The following DPP6 variants were observed in gnomAD, a reference collection of about 807,000 sequenced individuals.
DPP6 encodes the protein A-type potassium channel modulatory protein DPP6.
In DPP6, 69 loss-of-function variants were observed where a neutral mutation model predicts 122.6. The ratio of observed to expected loss-of-function variants is 0.56; its 90% CI spans 0.46 to 0.69. DPP6 has a LOEUF of 0.69. Among genes scored for constraint, DPP6 ranks in the 30% least tolerant of loss-of-function variants. The pLI is 0.00. For missense variants in DPP6, 928 were observed against 1,116.9 expected (o/e 0.83, Z 2.41); for synonymous variants, 418 against 433.1 (o/e 0.97, Z 0.43).
intron 21 of DPP6, among the ~76,000 whole-genome samples, chr7:154,883,312 C>CACA (rs1458225096): frequency 2.2e-5 from 3 of 133,562 alleles, no homozygotes; most frequent in African/African-American, 5.8e-5. Flanking sequence ...ACCCATACAC[C>CACA]TGCTCACACA....
chr7:154,136,258 GA>G (rs1454305855), intron 1 of DPP6, among the ~76,000 whole-genome samples: 1 of 152,198 alleles, frequency 6.6e-6, no homozygotes, highest in Non-Finnish European at 1.5e-5. Context: ...GTCATTGGTA[GA>G]TGGTGGCTTC....
intron 7 of DPP6, among the ~76,000 whole-genome samples, chr7:154,674,853 G>A (rs1838789289): frequency 6.6e-6 from 1 of 152,158 alleles, no homozygotes; most frequent in South Asian, 2.1e-4. Context: ...AATTCTCACA[G>A]CCATGCTTCA....
intron 1 of DPP6, among the ~76,000 whole-genome samples, chr7:154,418,506 A>T (rs1468854256): frequency 6.6e-6 from 1 of 152,200 alleles, no homozygotes; most frequent in Non-Finnish European, 1.5e-5. Context: ...TGAAAGATGA[A>T]AGGAAATCCC....
Position 154,641,810 on chromosome 7 carries a change from G to T in DPP6, c.680+3937G>T, listed in dbSNP as rs111228176. 6.8e-3 allele frequency among the ~76,000 whole-genome samples: 1,034 copies of T among 152,258 alleles called. 12 individuals are homozygous for T. Among genetic ancestry groups the T allele is most frequent in the African/African-American group, 0.024 (984 of 41,538 alleles). Reference sequence around the variant, plus strand: ...TATTATGTAATGTTGGCAATTAGGGGTCTGGCAAACTCAGAACTGTAATAG... The same window carrying T: ...TATTATGTAATGTTGGCAATTAGGGTTCTGGCAAACTCAGAACTGTAATAG... On this transcript the variant is annotated intron_variant, in intron 6 of 25. Transcript: ENST00000377770.
chr7:154,059,917 C>G (rs201631687), intron 1 of DPP6, among the ~76,000 whole-genome samples: 5,415 of 145,622 alleles, frequency 0.037, 48 homozygotes, highest in Middle Eastern at 0.067. Context: ...CAAATAAGCT[C>G]ATTCTTGGGC....
intron 1 of DPP6, among the ~76,000 whole-genome samples, chr7:154,336,939 T>G (rs890374031): frequency 6.6e-6 from 1 of 152,162 alleles, no homozygotes; most frequent in Non-Finnish European, 1.5e-5. Flanking sequence ...AGTCACCAGC[T>G]GGAAGTGGCA....
intron 1 of DPP6, among the ~76,000 whole-genome samples, chr7:154,205,043 A>G (rs34315412): frequency 0.036 from 5,537 of 152,174 alleles, 128 homozygotes; most frequent in Non-Finnish European, 0.056. Flanking sequence ...CCACTCTGAT[A>G]CACCCTCTGG....
chr7:154,597,587 C>T (rs571107692), intron 5 of DPP6, among the ~76,000 whole-genome samples: 9 of 147,852 alleles, frequency 6.1e-5, no homozygotes, highest in East Asian at 2.0e-4. Context: ...CACTCCAGCC[C>T]GGGAGACAGA....
At chr7:154,245,167 G>C (rs980176171) in intron 1 of DPP6, among the ~76,000 whole-genome samples, 2 of 151,196 alleles carry the variant, frequency 1.3e-5, no homozygotes, top group South Asian at 2.1e-4. Context: ...TGGCCAGGCT[G>C]GTCTTGAACT....
chr7:154,202,936 T>C (rs2150789326), intron 1 of DPP6, among the ~76,000 whole-genome samples: 1 of 152,272 alleles, frequency 6.6e-6, no homozygotes, highest in South Asian at 2.1e-4. Flanking sequence ...AGCATTTTAT[T>C]TTTTTACCTG....
At chr7:153,844,675 G>A in the DPP6 span, among the ~76,000 whole-genome samples, 192 of 152,238 alleles carry the variant, frequency 1.3e-3, 1 homozygote, top group Non-Finnish European at 2.1e-3. Context: ...AGATTCATCC[G>A]GTGGGACATC....
chr7:154,341,183 A>T (rs1809894190), intron 1 of DPP6, among the ~76,000 whole-genome samples: 1 of 152,164 alleles, frequency 6.6e-6, no homozygotes, highest in Non-Finnish European at 1.5e-5. Context: ...CATGCTGATG[A>T]TGCCAAATAG....
chr7:154,889,552 G>T, intron 25 of DPP6, 22 bp downstream of exon 25: 1 of 1,592,618 alleles, frequency 6.3e-7, no homozygotes, highest in Admixed American at 1.8e-5. Context: ...ATGTTACTCT[G>T]TTTTGAACCT....
chr7:153,963,950 C>T (rs958044118), intron 1 of DPP6, among the ~76,000 whole-genome samples: 2 of 152,130 alleles, frequency 1.3e-5, no homozygotes, highest in African/African-American at 4.8e-5. Context: ...AGCATCAGGT[C>T]GTCTACTGCT....
At chr7:154,726,891 A>G (rs1171586270) in intron 7 of DPP6, among the ~76,000 whole-genome samples, 1 of 152,170 alleles carries the variant, frequency 6.6e-6, no homozygotes, top group Non-Finnish European at 1.5e-5. Context: ...CCTTATCTCC[A>G]TCTGAGACCA....
intron 3 of DPP6, among the ~76,000 whole-genome samples, chr7:154,527,692 A>G (rs910692104): frequency 6.6e-6 from 1 of 152,200 alleles, no homozygotes; most frequent in Admixed American, 6.5e-5. Context: ...TGTGATATTT[A>G]TACAATCAGG....
chr7:153,990,252 A>C (rs1797103399), intron 1 of DPP6, among the ~76,000 whole-genome samples: 1 of 102,704 alleles, frequency 9.7e-6, no homozygotes, highest in Non-Finnish European at 1.9e-5. Context: ...AGGCAGCCCC[A>C]CCTGCTTCCA....
At chr7:153,998,432 G>A (rs2628976) in intron 1 of DPP6, among the ~76,000 whole-genome samples, 9 of 152,170 alleles carry the variant, frequency 5.9e-5, no homozygotes, top group East Asian at 1.9e-4. Context: ...AAAGGATGCT[G>A]GGGGAGCTGT....
intron 1 of DPP6, among the ~76,000 whole-genome samples, chr7:153,980,020 T>G (rs1321376426): frequency 1.3e-5 from 2 of 152,176 alleles, no homozygotes; most frequent in Non-Finnish European, 2.9e-5. Flanking sequence ...TTTAGTTGTG[T>G]CTCTGCTAGG....
Sources: allele counts gnomAD v4.1 joint callset (sites outside exome capture counted in the v4.1 genomes callset), GRCh38; gene constraint gnomAD v4.1.1; transcripts MANE v1.5; gene names NCBI Gene and HGNC (gene_info 2026-07-23, HGNC 2026-07-21).